Variants in GRIA1 observed in about 807,000 individuals in gnomAD.
GRIA1 encodes glutamate receptor 1.
In GRIA1, 31 loss-of-function variants were observed where a neutral mutation model predicts 99.2. The observed-to-expected ratio is 0.31, with a 90% CI of 0.23 to 0.42. GRIA1 has a LOEUF of 0.42. GRIA1 is among the 10% of genes least tolerant of loss of function. The pLI is 1.00. For synonymous variants in GRIA1, 438 were observed against 432.4 expected (o/e 1.01, Z -0.16); for missense variants, 782 against 1,157.5 (o/e 0.68, Z 4.71).
At chr5:153,571,301 G>A (rs1011954408) in intron 2 of GRIA1, among the ~76,000 whole-genome samples, 32 of 152,268 alleles carry the variant, frequency 2.1e-4, no homozygotes, top group Admixed American at 5.2e-4. Context: ...GTAGGCTCAC[G>A]GGGTAGCCAG....
At position 153,732,087 on chromosome 5, in the gene GRIA1, G is replaced by A. The variant is rs1761075603; in HGVS notation, c.1823+26020G>A. Among the ~76,000 whole-genome samples the A allele has an allele frequency of 4.0e-5, 6 of 151,684 alleles. No homozygotes were observed. In the South Asian group the frequency reaches 1.0e-3, roughly 26 times the overall value. ...TTGTAGGATGTACTTCTTTTTTAAG[G>A]CTGAATATATATACCACATTTTCTT... On this transcript the variant is annotated intron_variant, in intron 11 of 15. Transcript: ENST00000285900.
chr5:153,539,611 ATACAGAAT>A (rs1224044087), intron 2 of GRIA1, among the ~76,000 whole-genome samples: 1 of 152,206 alleles, frequency 6.6e-6, no homozygotes, highest in East Asian at 1.9e-4. Flanking sequence ...GTTAGTTGAA[ATACAGAAT>A]TCCTTTAAAC....
chr5:153,731,473 A>G, intron 11 of GRIA1, among the ~76,000 whole-genome samples: 1 of 152,036 alleles, frequency 6.6e-6, no homozygotes, highest in East Asian at 1.9e-4. Flanking sequence ...TCCTGCCTTC[A>G]GGACTCCTGT....
intron 8 of GRIA1, among the ~76,000 whole-genome samples, chr5:153,692,814 C>G (rs930732180): frequency 3.3e-5 from 5 of 152,246 alleles, no homozygotes; most frequent in African/African-American, 1.2e-4. Flanking sequence ...TTTATTACAT[C>G]ACTGGGAAGT....
At chr5:153,757,548 G>A (rs1476410811) in intron 11 of GRIA1, among the ~76,000 whole-genome samples, 2 of 152,116 alleles carry the variant, frequency 1.3e-5, no homozygotes, top group Non-Finnish European at 2.9e-5. Flanking sequence ...AGCAGCAAGA[G>A]AAAAGAAGCA....
At chr5:153,644,789 G>GT (rs1393663330) in intron 2 of GRIA1, among the ~76,000 whole-genome samples, 1 of 151,838 alleles carries the variant, frequency 6.6e-6, no homozygotes, top group African/African-American at 2.4e-5. Flanking sequence ...TTGCAAAGAG[G>GT]TAAGGGAAGA....
chr5:153,577,632 C>G (rs567489702), intron 2 of GRIA1, among the ~76,000 whole-genome samples: 1 of 152,232 alleles, frequency 6.6e-6, no homozygotes, highest in African/African-American at 2.4e-5. Flanking sequence ...GACCAGAAAA[C>G]TAGAAGTCAG....
chr5:153,658,630 C>T (rs752210628), intron 5 of GRIA1, among the ~76,000 whole-genome samples: 46 of 152,214 alleles, frequency 3.0e-4, no homozygotes, highest in South Asian at 4.1e-4. Flanking sequence ...ATTCATAAGA[C>T]GATAATTTTT....
intron 11 of GRIA1, among the ~76,000 whole-genome samples, chr5:153,752,874 G>A (rs988505577): frequency 1.8e-4 from 27 of 152,166 alleles, no homozygotes; most frequent in African/African-American, 6.3e-4. Context: ...GCCCAATCAG[G>A]TGAACTCTTA....
At chr5:153,605,983 T>C (rs1765403122) in intron 2 of GRIA1, among the ~76,000 whole-genome samples, 1 of 152,200 alleles carries the variant, frequency 6.6e-6, no homozygotes, top group Non-Finnish European at 1.5e-5. Context: ...TTCTTCCTTA[T>C]GGATGGTTTT....
intron 13 of GRIA1, among the ~76,000 whole-genome samples, chr5:153,783,530 C>T (rs1764773537): frequency 6.6e-6 from 1 of 152,286 alleles, no homozygotes; most frequent in African/African-American, 2.4e-5. Context: ...TTGGAGGAGC[C>T]AGACTTCAGA....
chr5:153,611,442 A>G (rs1220437619), intron 2 of GRIA1, among the ~76,000 whole-genome samples: 3 of 152,066 alleles, frequency 2.0e-5, no homozygotes, highest in Non-Finnish European at 4.4e-5. Flanking sequence ...TTACATCTCC[A>G]TGATTTTCTG....
intron 13 of GRIA1, among the ~76,000 whole-genome samples, chr5:153,794,216 T>C (rs1305094620): frequency 6.6e-6 from 1 of 152,184 alleles, no homozygotes; most frequent in Non-Finnish European, 1.5e-5. Flanking sequence ...TTTGCCAAGT[T>C]GATAACTCCT....
chr5:153,682,776 C>A (rs1283404865), intron 7 of GRIA1, among the ~76,000 whole-genome samples: 1 of 152,146 alleles, frequency 6.6e-6, no homozygotes, highest in Non-Finnish European at 1.5e-5. Flanking sequence ...GGTCTCTATA[C>A]CTATTGCTAC....
intron 11 of GRIA1, among the ~76,000 whole-genome samples, chr5:153,711,791 G>C (rs1759333282): frequency 6.6e-6 from 1 of 152,146 alleles, no homozygotes; most frequent in Non-Finnish European, 1.5e-5. Context: ...TATTTTCCTG[G>C]GTTCAGGTGA....
chr5:153,668,514 A>T (rs1755913104), intron 5 of GRIA1, among the ~76,000 whole-genome samples: 1 of 152,232 alleles, frequency 6.6e-6, no homozygotes, highest in Non-Finnish European at 1.5e-5. Flanking sequence ...TCCAATTACT[A>T]TATGCTAAAT....
In GRIA1 at chr5:153,571,089, C is replaced by T. The variant is rs141394630; in HGVS notation, c.221-75839C>T. On this transcript the variant is annotated intron_variant, in intron 2 of 15. Transcript: ENST00000285900. ...TACCTATGTTTTGCACAGGGTTAGT[C>T]TTTGTTTTGGGGGGCTGTCCTGCAC... Among the ~76,000 whole-genome samples, 669 of 152,268 alleles carry T rather than the reference C, an allele frequency of 4.4e-3. 1 individual carries two copies. The highest frequency in any genetic ancestry group is 7.4e-3 in the Admixed American group (113 of 15,298).
chr5:153,708,145 T>A (rs867414822), intron 11 of GRIA1, among the ~76,000 whole-genome samples: 1 of 152,304 alleles, frequency 6.6e-6, no homozygotes. Context: ...CTCCAGGGGT[T>A]TCAATCTTGT....
At chr5:153,794,762 C>A (rs745915628) in intron 14 of GRIA1, 27 bp downstream of exon 14, 6 of 1,268,126 alleles carry the variant, frequency 4.7e-6, no homozygotes, top group South Asian at 2.5e-5. Context: ...AAAAAAAAAA[C>A]CTAGTGGGTA....
Sources: gnomAD v4.1 joint callset for allele counts (sites outside exome capture counted in the v4.1 genomes callset) on GRCh38, gnomAD v4.1.1 for gene constraint, MANE v1.5 for transcripts, NCBI Gene and HGNC (gene_info 2026-07-23, HGNC 2026-07-21) for gene names.